The following CDH8 variants were observed in gnomAD, a reference collection of about 807,000 sequenced individuals.
The protein encoded by CDH8 is cadherin 8, also known as cadherin-8.
Under a neutral mutation model 68.1 loss-of-function variants are expected in CDH8, and 17 were observed. The observed-to-expected ratio is 0.25, with a 90% CI of 0.17 to 0.37. The LOEUF (loss-of-function observed/expected upper bound fraction) is 0.37. Among genes scored for constraint, CDH8 ranks in the 10% least tolerant of loss-of-function variants. The pLI, the probability that CDH8 is intolerant of heterozygous loss-of-function variation, is 1.00. For synonymous variants in CDH8, 372 were observed against 365.1 expected, an observed-to-expected ratio of 1.02 and a Z score of -0.21; for missense variants, 763 against 999.3, an observed-to-expected ratio of 0.76 and a Z score of 3.19.
chr16:61,740,652 A>G (rs1256716951), intron 8 of CDH8, among the ~76,000 whole-genome samples: 1 of 152,288 alleles, frequency 6.6e-6, no homozygotes, highest in South Asian at 2.1e-4. Context: ...CATACAGTGT[A>G]TACATATTTG....
intron 2 of CDH8, among the ~76,000 whole-genome samples, chr16:61,996,354 G>A (rs1025988638): frequency 7.2e-5 from 11 of 152,148 alleles, no homozygotes; most frequent in East Asian, 1.9e-4. Context: ...TGCCCTCCTC[G>A]GAGAATGAAT....
intron 10 of CDH8, among the ~76,000 whole-genome samples, chr16:61,694,551 G>A (rs997436873): frequency 2.0e-5 from 3 of 151,826 alleles, no homozygotes; most frequent in Non-Finnish European, 4.4e-5. Context: ...GATGGGCTTC[G>A]GTCATATTGG....
chr16:61,950,385 A>G, intron 2 of CDH8, among the ~76,000 whole-genome samples: 1 of 152,180 alleles, frequency 6.6e-6, no homozygotes, highest in East Asian at 1.9e-4. Flanking sequence ...TACTCTATTT[A>G]CCGGATGTGC....
intron 10 of CDH8, among the ~76,000 whole-genome samples, chr16:61,695,486 A>G (rs554716646): frequency 2.0e-5 from 3 of 152,246 alleles, no homozygotes; most frequent in Admixed American, 6.5e-5. Flanking sequence ...TAATCCCTTG[A>G]TCTGAGGCCT....
chr16:61,995,837 T>A (rs1327611451), intron 2 of CDH8, among the ~76,000 whole-genome samples: 1 of 152,144 alleles, frequency 6.6e-6, no homozygotes, highest in African/African-American at 2.4e-5. Context: ...GAAGGAAAAA[T>A]TGCTTTCAAC....
chr16:61,693,964 C>T (rs1207169448), intron 10 of CDH8, among the ~76,000 whole-genome samples: 1 of 152,048 alleles, frequency 6.6e-6, no homozygotes, highest in African/African-American at 2.4e-5. Flanking sequence ...AATGCTTTAC[C>T]TCATTATCAT....
intron 1 of CDH8, among the ~76,000 whole-genome samples, chr16:62,034,792 T>C (rs1201780953): frequency 1.3e-5 from 2 of 152,168 alleles, no homozygotes; most frequent in Non-Finnish European, 2.9e-5. Context: ...ATAAGCTCTA[T>C]CGTTTAATTG....
chr16:61,866,112 TAC>T (rs1413743878), intron 3 of CDH8, among the ~76,000 whole-genome samples: 6 of 124,272 alleles, frequency 4.8e-5, no homozygotes, highest in African/African-American at 1.2e-4. Flanking sequence ...AGCTACCAGC[TAC>T]TTGGGAGGCT....
chr16:61,974,949 G>GA (rs756781101), intron 2 of CDH8, among the ~76,000 whole-genome samples: 11 of 152,128 alleles, frequency 7.2e-5, no homozygotes, highest in Non-Finnish European at 1.5e-4. Flanking sequence ...TTTTTACACT[G>GA]AATGTGTTGA....
At chr16:61,871,882 T>C (rs1266339592) in intron 3 of CDH8, among the ~76,000 whole-genome samples, 1 of 131,636 alleles carries the variant, frequency 7.6e-6, no homozygotes, top group Non-Finnish European at 1.6e-5. Flanking sequence ...AATCAGAATG[T>C]GGAGACACTC....
intron 2 of CDH8, among the ~76,000 whole-genome samples, chr16:61,953,926 T>TATATAA (rs1366207636): frequency 2.5e-5 from 3 of 118,982 alleles, no homozygotes; most frequent in African/African-American, 6.3e-5. Flanking sequence ...TATATATATA[T>TATATAA]AAAATACCTT....
At chr16:61,887,477 C>A (rs1428461715) in intron 3 of CDH8, among the ~76,000 whole-genome samples, 1 of 152,230 alleles carries the variant, frequency 6.6e-6, no homozygotes, top group South Asian at 2.1e-4. Context: ...TTCTTCTGAG[C>A]CTTCTCTCTC....
chr16:61,768,361 T>TCTCC (rs1960671135), intron 8 of CDH8, among the ~76,000 whole-genome samples: 1 of 106,716 alleles, frequency 9.4e-6, no homozygotes, highest in African/African-American at 4.2e-5. Flanking sequence ...TCTCTCTCTC[T>TCTCC]CTCTCTCCCT....
At chr16:61,958,441 A>T (rs2143619175) in intron 2 of CDH8, among the ~76,000 whole-genome samples, 1 of 152,334 alleles carries the variant, frequency 6.6e-6, no homozygotes, top group East Asian at 1.9e-4. Flanking sequence ...CCATAACAGC[A>T]ACATAATAAA....
intron 2 of CDH8, among the ~76,000 whole-genome samples, chr16:61,983,261 A>C (rs1453446570): frequency 6.6e-6 from 1 of 152,144 alleles, no homozygotes; most frequent in East Asian, 1.9e-4. Flanking sequence ...GAGATTCACC[A>C]TTGTTGATGC....
chr16:61,915,016 T>C lies in CDH8; in HGVS notation c.253-13543A>G, dbSNP rs141400965. 4.1e-3 allele frequency among the ~76,000 whole-genome samples: 631 copies of C among 152,372 alleles called. 2 individuals carry two copies. The highest frequency in any genetic ancestry group is 0.014 in the Middle Eastern group (4 of 294). ...ATACAGTATTTTCAATTAATGTAAG[T>C]AATAGAATTGTTGATGTGTTGACAT... On this transcript the variant is annotated intron_variant, in intron 2 of 11. Transcript: ENST00000577390.
intron 2 of CDH8, among the ~76,000 whole-genome samples, chr16:61,981,858 GT>G (rs1965537793): frequency 6.6e-6 from 1 of 152,094 alleles, no homozygotes; most frequent in African/African-American, 2.4e-5. Context: ...TGTTATTAAG[GT>G]TTTTAAGGTA....
At chr16:61,898,223 C>T (rs946836993) in intron 3 of CDH8, among the ~76,000 whole-genome samples, 4 of 151,896 alleles carry the variant, frequency 2.6e-5, no homozygotes. Flanking sequence ...TGGCATGAAA[C>T]AGGGAGGCGG....
chr16:61,881,811 C>A (rs900183952), intron 3 of CDH8, among the ~76,000 whole-genome samples: 6 of 152,132 alleles, frequency 3.9e-5, no homozygotes, highest in Non-Finnish European at 8.8e-5. Flanking sequence ...AATTGTAACC[C>A]CTTCTGGCTT....
Sources: gnomAD v4.1 joint callset for allele counts (sites outside exome capture counted in the v4.1 genomes callset) on GRCh38, gnomAD v4.1.1 for gene constraint, MANE v1.5 for transcripts, NCBI Gene and HGNC (gene_info 2026-07-23, HGNC 2026-07-21) for gene names.